ALG6: variants seen among roughly 807,000 people sequenced by gnomAD.
The protein encoded by ALG6 is ALG6 alpha-1,3-glucosyltransferase.
A neutral mutation model predicts 66.6 loss-of-function variants in ALG6; 46 were observed. The ratio of observed to expected loss-of-function variants is 0.69; its 90% CI spans 0.55 to 0.88. The LOEUF is 0.88. Among genes scored for constraint, ALG6 ranks in the 40% least tolerant of loss-of-function variants. The pLI is 0.00. For synonymous variants in ALG6, 185 were observed against 203.7 expected, an observed-to-expected ratio of 0.91 and a Z score of 0.78; for missense variants, 505 against 586.8, an observed-to-expected ratio of 0.86 and a Z score of 1.44.
chr1:63,429,149 G>C (rs753031387), intron 14 of ALG6, 23 bp downstream of exon 14: 1 of 1,528,722 alleles, frequency 6.5e-7, no homozygotes, highest in Non-Finnish European at 9.0e-7. Context: ...TTTAAGAAAT[G>C]ACACATTTTT....
Position 63,422,203 on chromosome 1 carries a change from G to GAATATAAATATATATTTATATA in ALG6, c.1058+2779_1058+2800dup, listed in dbSNP as rs1557594860. ...TATTTATATAAATATATATCTATAT[G>GAATATAAATATATATTTATATA]AATATAAATATATATTTATATAAAT... On this transcript the variant is annotated intron_variant, in intron 12 of 14. Transcript: ENST00000263440. 6.1e-4 allele frequency among the ~76,000 whole-genome samples: 62 copies of GAATATAAATATATATTTATATA among 101,712 alleles called. 3 individuals are homozygous for GAATATAAATATATATTTATATA. Among genetic ancestry groups the GAATATAAATATATATTTATATA allele is most frequent in the Admixed American group, 1.4e-3 (12 of 8,496 alleles). 66.7% of individuals were successfully genotyped at this position (101,712 alleles called of 152,430 possible). A position where few individuals can be genotyped will look rare whatever the true frequency, so the allele number is the denominator to read the frequency against.
chr1:63,430,188 A>G (rs1570091693), intron 14 of ALG6, among the ~76,000 whole-genome samples: 1 of 152,266 alleles, frequency 6.6e-6, no homozygotes, highest in Non-Finnish European at 1.5e-5. Context: ...GTCACTTAGC[A>G]TATTTTTGAG....
intron 14 of ALG6, among the ~76,000 whole-genome samples, chr1:63,431,422 G>A (rs1240266218): frequency 6.6e-6 from 1 of 152,044 alleles, no homozygotes; most frequent in African/African-American, 2.4e-5. Flanking sequence ...GTGGAATATT[G>A]CTTTATTTTT....
intron 14 of ALG6, among the ~76,000 whole-genome samples, chr1:63,432,257 T>TG (rs1280595819): frequency 2.4e-4 from 24 of 99,372 alleles, no homozygotes; most frequent in South Asian, 7.7e-4. Flanking sequence ...TTTGGTCATG[T>TG]GTGTTTTTTT....
At chr1:63,384,532 C>A (rs1648439620) in intron 2 of ALG6, among the ~76,000 whole-genome samples, 2 of 152,092 alleles carry the variant, frequency 1.3e-5, no homozygotes, top group Admixed American at 1.3e-4. Flanking sequence ...GTTGCTTGTG[C>A]TTGTAGAGTA....
intron 1 of ALG6, among the ~76,000 whole-genome samples, chr1:63,369,458 G>A (rs1477979889): frequency 6.6e-6 from 1 of 151,916 alleles, no homozygotes; most frequent in Admixed American, 6.6e-5. Context: ...GTGAAACCCC[G>A]TCTCTACTAA....
intron 11 of ALG6, 60 bp downstream of exon 11, chr1:63,416,017 T>C: frequency 8.1e-7 from 1 of 1,234,296 alleles, no homozygotes; most frequent in Non-Finnish European, 1.2e-6. Flanking sequence ...TTAAAAATTA[T>C]TTTCATGGTC....
intron 2 of ALG6, among the ~76,000 whole-genome samples, chr1:63,380,247 A>T (rs532155510): frequency 6.6e-6 from 1 of 152,304 alleles, no homozygotes; most frequent in East Asian, 1.9e-4. Context: ...CAAGGGATCT[A>T]TAGGAGACCA....
chr1:63,423,804 T>C (rs1436584678), intron 12 of ALG6, among the ~76,000 whole-genome samples: 3 of 152,206 alleles, frequency 2.0e-5, no homozygotes, highest in African/African-American at 7.2e-5. Flanking sequence ...TGAATATTCA[T>C]GTACAAGTTT....
At chr1:63,422,161 A>ATC (rs1557594793) in intron 12 of ALG6, among the ~76,000 whole-genome samples, 1 of 124,130 alleles carries the variant, frequency 8.1e-6, no homozygotes, top group Non-Finnish European at 1.6e-5. Flanking sequence ...ATAAATATAT[A>ATC]TATAACTATG....
chr1:63,372,586 A>G (rs902164256), intron 2 of ALG6, among the ~76,000 whole-genome samples: 2 of 152,124 alleles, frequency 1.3e-5, no homozygotes, highest in Non-Finnish European at 2.9e-5. Context: ...ACAGACACAC[A>G]TATATATAAA....
chr1:63,381,693 A>G (rs563320895), intron 2 of ALG6, among the ~76,000 whole-genome samples: 1 of 152,138 alleles, frequency 6.6e-6, no homozygotes, highest in South Asian at 2.1e-4. Flanking sequence ...AGGGGAGAGG[A>G]TTCCATTATA....
chr1:63,384,571 T>C (rs891343928), intron 2 of ALG6, among the ~76,000 whole-genome samples: 1 of 152,208 alleles, frequency 6.6e-6, no homozygotes, highest in Admixed American at 6.5e-5. Context: ...CCCAGACCAA[T>C]GTCCTAGAGA....
chr1:63,426,595 G>A (rs1253300914), intron 12 of ALG6, among the ~76,000 whole-genome samples: 1 of 152,172 alleles, frequency 6.6e-6, no homozygotes, highest in Non-Finnish European at 1.5e-5. Context: ...CCAGGCTGGA[G>A]CAAAGTGACA....
At chr1:63,397,749 A>T (rs1644412773) in intron 3 of ALG6, among the ~76,000 whole-genome samples, 1 of 152,086 alleles carries the variant, frequency 6.6e-6, no homozygotes, top group African/African-American at 2.4e-5. Context: ...TGTAGGTGCT[A>T]GAGTCAGACT....
At chr1:63,393,205 C>G (rs1025803699) in intron 2 of ALG6, among the ~76,000 whole-genome samples, 4 of 152,186 alleles carry the variant, frequency 2.6e-5, no homozygotes, top group Non-Finnish European at 4.4e-5. Flanking sequence ...AAACTTATAT[C>G]CCTCCCTGCC....
intron 12 of ALG6, among the ~76,000 whole-genome samples, chr1:63,422,297 A>C (rs1371350132): frequency 2.5e-4 from 21 of 84,732 alleles, no homozygotes; most frequent in African/African-American, 7.5e-4. Context: ...ATATTTATAT[A>C]GATATAAATA....
intron 2 of ALG6, among the ~76,000 whole-genome samples, chr1:63,381,679 G>A (rs1244936578): frequency 6.6e-6 from 1 of 151,500 alleles, no homozygotes; most frequent in Non-Finnish European, 1.5e-5. Context: ...GGGGAGGGGA[G>A]GGGAGGGGAG....
intron 3 of ALG6, among the ~76,000 whole-genome samples, chr1:63,399,149 A>T (rs1644430812): frequency 6.6e-6 from 1 of 152,018 alleles, no homozygotes; most frequent in Non-Finnish European, 1.5e-5. Context: ...TCTTGTTGGG[A>T]GCCACTCTTG....
Sources: gnomAD v4.1 joint callset for allele counts (sites outside exome capture counted in the v4.1 genomes callset) on GRCh38, gnomAD v4.1.1 for gene constraint, MANE v1.5 for transcripts, NCBI Gene and HGNC (gene_info 2026-07-23, HGNC 2026-07-21) for gene names.